The following C1QTNF6 variants were observed in gnomAD, a reference collection of about 807,000 sequenced individuals.
The protein encoded by C1QTNF6 is C1q and TNF related 6.
In C1QTNF6, 17 loss-of-function variants were observed where a neutral mutation model predicts 20.7. The ratio of observed to expected loss-of-function variants is 0.82; its 90% CI spans 0.56 to 1.23. The LOEUF (loss-of-function observed/expected upper bound fraction) is 1.23. C1QTNF6 is among the 50% of genes most tolerant of loss of function. The pLI is 0.00. For synonymous variants in C1QTNF6, 130 were observed against 156.3 expected (o/e 0.83, Z 1.25); for missense variants, 329 against 389.7 (o/e 0.84, Z 1.31).
chr22:37,195,281 T>C (rs575704408), intron 2 of C1QTNF6: 1 of 152,342 alleles, frequency 6.6e-6, no homozygotes, highest in East Asian at 1.9e-4. Flanking sequence ...CTGATAAGCA[T>C]CTTTGCCCTT....
At chr22:37,188,130 G>A (rs1200627587) in intron 1 of C1QTNF6, 33 bp downstream of exon 1, 10 of 1,590,702 alleles carry the variant, frequency 6.3e-6, no homozygotes, top group Non-Finnish European at 8.6e-6. Flanking sequence ...TCTGACCCCA[G>A]CCCCCAAGCT....
upstream of C1QTNF6, among the ~76,000 whole-genome samples, chr22:37,192,939 G>T (rs1924906593): frequency 6.6e-6 from 1 of 152,334 alleles, no homozygotes; most frequent in Non-Finnish European, 1.5e-5. Flanking sequence ...GGCACAGCTG[G>T]AAGGCAAAAC....
intron 1 of C1QTNF6, among the ~76,000 whole-genome samples, chr22:37,186,748 C>G (rs1276405661): frequency 6.6e-6 from 1 of 152,232 alleles, no homozygotes; most frequent in Non-Finnish European, 1.5e-5. Context: ...TGAAACCAGA[C>G]TGGTTTTTAC....
At position 37,188,179 on chromosome 22, in the gene C1QTNF6, TC is replaced by T; in HGVS notation, c.34del (p.Glu12ArgfsTer26). The T allele has an allele frequency of 6.2e-7, 1 of 1,609,500 alleles. No individual in the cohort carries two copies. The highest frequency in any genetic ancestry group is 8.5e-7 in the Non-Finnish European group (1 of 1,177,858). ...QWLRVRESPG[E>X]ATGHRVTMGT... The stretch of plus-strand genomic sequence containing the variant: ...GTCACTCACCCTGTGTCCTGTGGCC[TC>T]CCCAGGCGACTCACGGACCCTGAGC... On this transcript the variant is annotated frameshift_variant, in exon 1 of 3. Coordinates refer to ENST00000337843, the MANE Select transcript of C1QTNF6 (RefSeq NM_031910.4). LOFTEE classifies it high-confidence loss of function.
chr22:37,182,009 G>C lies in C1QTNF6; in HGVS notation c.*179C>G. On this transcript the variant is annotated 3_prime_UTR_variant, in exon 3 of 3. Transcript: ENST00000337843. Reference sequence around the variant, plus strand: ...CTTAAAATAGGTCCAAGAGAGAAGAGAGGAGCAGAAATAGGCTGGGAGGGA... The same window carrying C: ...CTTAAAATAGGTCCAAGAGAGAAGACAGGAGCAGAAATAGGCTGGGAGGGA... The C allele has an allele frequency of 1.5e-6, 1 of 660,406 alleles. No individual in the cohort carries two copies. 40.9% of individuals were successfully genotyped at this position (660,406 alleles called of 1,614,324 possible).
At chr22:37,188,282 G>A (rs1924553960), upstream of C1QTNF6, 3 of 1,364,754 alleles carry the variant, frequency 2.2e-6, no homozygotes, top group Admixed American at 2.0e-5. Flanking sequence ...AGGCCCAGCA[G>A]AGGAGGGAGA....
chr22:37,183,661 A>G (rs1924000219), intron 2 of C1QTNF6, among the ~76,000 whole-genome samples: 1 of 152,212 alleles, frequency 6.6e-6, no homozygotes, highest in Admixed American at 6.5e-5. Flanking sequence ...AGGGGACAGA[A>G]AGGAGGGCAC....
chr22:37,187,360 C>T (rs573560940), intron 1 of C1QTNF6, among the ~76,000 whole-genome samples: 1 of 152,202 alleles, frequency 6.6e-6, no homozygotes, highest in South Asian at 2.1e-4. Flanking sequence ...TTCTTTTTCC[C>T]AGCCACAGAT....
rs575419876 is a variant in C1QTNF6 at position 37,183,549 on chromosome 22, G to A, written c.290-814C>T. On this transcript the variant is annotated intron_variant, in intron 2 of 2. Transcript: ENST00000337843. The stretch of plus-strand genomic sequence containing the variant: ...TGACCACCCACGCCTGGAGGGACCC[G>A]ACCTCACATAGCTCCCTGCCACCTG... Among the ~76,000 whole-genome samples, 7 of 152,334 alleles carry A rather than the reference G, an allele frequency of 4.6e-5. No homozygotes were observed. In the South Asian group the frequency reaches 1.0e-3, roughly 23 times the overall value.
intron 1 of C1QTNF6, chr22:37,186,074 T>C (rs2145767621): frequency 1.0e-6 from 1 of 985,490 alleles, no homozygotes; most frequent in Non-Finnish European, 1.2e-6. Context: ...AGAGAGTTCA[T>C]TGATCCTAGC....
intron 2 of C1QTNF6, chr22:37,182,977 G>T: frequency 7.4e-7 from 1 of 1,356,972 alleles, no homozygotes; most frequent in South Asian, 1.8e-5. Flanking sequence ...TGCAGGAGCA[G>T]AAGAGGCAGG....
At chr22:37,183,643 G>A (rs1438791810) in intron 2 of C1QTNF6, among the ~76,000 whole-genome samples, 1 of 151,720 alleles carries the variant, frequency 6.6e-6, no homozygotes, top group East Asian at 1.9e-4. Context: ...GTTTTCCACA[G>A]GGGGGGAAGG....
chr22:37,188,283 A>AGGAGGGAGAGAGGTGGGGAT, upstream of C1QTNF6: 1 of 1,153,062 alleles, frequency 8.7e-7, no homozygotes, highest in Non-Finnish European at 1.2e-6. Flanking sequence ...GGCCCAGCAG[A>AGGAGGGAGAGAGGTGGGGAT]GGAGGGAGAG....
At chr22:37,188,315 G>GGAGGGGATGGAGGGAGAGAA, upstream of C1QTNF6, 1 of 1,076,994 alleles carries the variant, frequency 9.3e-7, no homozygotes, top group Non-Finnish European at 1.3e-6. Context: ...GAGGGAGAGA[G>GGAGGGGATGGAGGGAGAGAA]GGCGGAGGGA....
intron 2 of C1QTNF6, among the ~76,000 whole-genome samples, chr22:37,193,967 T>C (rs1158424512): frequency 1.3e-5 from 2 of 152,228 alleles, no homozygotes; most frequent in African/African-American, 4.8e-5. Flanking sequence ...GTTTCTGTTT[T>C]CCTTCCTGGA....
chr22:37,189,453 AG>A (rs1327845188), upstream of C1QTNF6, among the ~76,000 whole-genome samples: 1 of 152,102 alleles, frequency 6.6e-6, no homozygotes, highest in Non-Finnish European at 1.5e-5. Context: ...TTCAAGATGG[AG>A]TTGCCCTATT....
chr22:37,197,969 G>C (rs1433448071), upstream of C1QTNF6: 1 of 152,298 alleles, frequency 6.6e-6, no homozygotes, highest in African/African-American at 2.4e-5. Flanking sequence ...ATAAACATGA[G>C]GAGGCCAGGA....
chr22:37,193,938 T>C (rs903520374), intron 2 of C1QTNF6, among the ~76,000 whole-genome samples: 13 of 152,230 alleles, frequency 8.5e-5, no homozygotes, highest in South Asian at 4.1e-4. Flanking sequence ...CCTTAGCTAC[T>C]GAGCCACGGC....
chr22:37,191,401 C>A (rs921250352), upstream of C1QTNF6, among the ~76,000 whole-genome samples: 1 of 152,078 alleles, frequency 6.6e-6, no homozygotes, highest in Non-Finnish European at 1.5e-5. Flanking sequence ...GAAAGCCAAA[C>A]ACAATTTCAT....
Sources: gnomAD v4.1 joint callset for allele counts (sites outside exome capture counted in the v4.1 genomes callset) on GRCh38, gnomAD v4.1.1 for gene constraint, MANE v1.5 for transcripts, NCBI Gene and HGNC (gene_info 2026-07-23, HGNC 2026-07-21) for gene names.